PPP4R3B: variants seen among roughly 807,000 people sequenced by gnomAD.
PPP4R3B encodes the protein serine/threonine-protein phosphatase 4 regulatory subunit 3B.
PPP4R3B carries 52 observed loss-of-function variants against 95.4 expected under a neutral mutation model. That is an observed-to-expected ratio of 0.54 (90% CI 0.44 to 0.69). PPP4R3B has a LOEUF of 0.69. PPP4R3B is among the 30% of genes least tolerant of loss of function. The pLI, the probability that PPP4R3B is intolerant of heterozygous loss-of-function variation, is 0.00. For synonymous variants in PPP4R3B, 407 were observed against 343.9 expected (o/e 1.18, Z -2.03); for missense variants, 1,003 against 1,005.9 (o/e 1.00, Z 0.04).
rs186110491 is a variant in PPP4R3B at position 55,567,606 on chromosome 2, G to A, written c.1935+588C>T. Among the ~76,000 whole-genome samples, 109 of 152,174 alleles carry A rather than the reference G, an allele frequency of 7.2e-4. 1 individual carries two copies. The highest frequency in any genetic ancestry group is 1.2e-3 in the Admixed American group (19 of 15,280). ...AATTTCTGTATTTTTAGTAGAGATGGGGTTTCATCATGTTGGCCAGGCTGG... is the reference window on the plus strand; with the variant it reads ...AATTTCTGTATTTTTAGTAGAGATGAGGTTTCATCATGTTGGCCAGGCTGG... On this transcript the variant is annotated intron_variant, in intron 13 of 16. Transcript: ENST00000616407.
chr2:55,555,058 A>G (rs563350460), intron 16 of PPP4R3B, among the ~76,000 whole-genome samples: 13 of 152,284 alleles, frequency 8.5e-5, no homozygotes, highest in African/African-American at 3.1e-4. Context: ...AGGCAGGCAG[A>G]TCACGAGGTC....
chr2:55,610,505 C>T (rs374407324), intron 2 of PPP4R3B, among the ~76,000 whole-genome samples: 37 of 152,320 alleles, frequency 2.4e-4, no homozygotes, highest in African/African-American at 8.4e-4. Context: ...CCTTCCACTA[C>T]CACCACCAAG....
Position 55,568,176 on chromosome 2 carries a change from T to C in PPP4R3B, c.1935+18A>G, listed in dbSNP as rs1311213959. 3 of 1,455,236 alleles carry C rather than the reference T, an allele frequency of 2.1e-6. No homozygotes were observed. Among genetic ancestry groups the C allele is most frequent in the South Asian group, 1.6e-5 (1 of 63,988 alleles). The allele number at this position is 1,455,236 out of a possible 1,614,324, so 90.1% of individuals were successfully genotyped here. On this transcript the variant is annotated intron_variant, in intron 13 of 16. Transcript: ENST00000616407. ...ACATATAATTACATATAATAACAGC[T>C]GTTTTATATAAACTTACCACTCTTA...
intron 2 of PPP4R3B, 55 bp from the exon 3 acceptor site, chr2:55,604,131 A>C: frequency 7.3e-7 from 1 of 1,370,712 alleles, no homozygotes; most frequent in Non-Finnish European, 1.0e-6. Flanking sequence ...GTATCTACAA[A>C]GTACAAATAG....
At chr2:55,601,067 C>T (rs752268623) in intron 3 of PPP4R3B, among the ~76,000 whole-genome samples, 1 of 148,900 alleles carries the variant, frequency 6.7e-6, no homozygotes, top group Admixed American at 6.8e-5. Context: ...ATCCCTTCAG[C>T]CTGGGAGGCA....
intron 4 of PPP4R3B, among the ~76,000 whole-genome samples, chr2:55,590,198 A>C (rs944208703): frequency 1.3e-5 from 2 of 150,156 alleles, no homozygotes; most frequent in African/African-American, 4.9e-5. Flanking sequence ...ATGGTGGCAC[A>C]TGCCTGTAAT....
chr2:55,617,367 G>A lies in PPP4R3B; in HGVS notation c.-82C>T, dbSNP rs1030372979. On this transcript the variant is annotated 5_prime_UTR_variant, in exon 1 of 17. Transcript: ENST00000616407. The stretch of plus-strand genomic sequence containing the variant: ...TCCTCACTCTTAGGAGACGGTAAAG[G>A]CAGTAGTGGCGGTGGCGGCGGCGGC... 62 of 1,393,308 alleles carry A rather than the reference G, an allele frequency of 4.4e-5. No individual in the cohort carries two copies. The highest frequency in any genetic ancestry group is 4.1e-5 in the Non-Finnish European group (44 of 1,064,370). 86.3% of individuals were successfully genotyped at this position (1,393,308 alleles called of 1,614,324 possible). A position where few individuals can be genotyped will look rare whatever the true frequency, so the allele number is the denominator to read the frequency against.
chr2:55,591,208 C>G (rs1690970408), intron 4 of PPP4R3B, among the ~76,000 whole-genome samples: 1 of 151,274 alleles, frequency 6.6e-6, no homozygotes, highest in Admixed American at 6.6e-5. Flanking sequence ...ACAAACGTGG[C>G]TCAGTGTAGC....
chr2:55,565,771 CATATAGG>C (rs1449382049), intron 13 of PPP4R3B: 6 of 204,368 alleles, frequency 2.9e-5, no homozygotes, highest in African/African-American at 1.2e-4. Context: ...CCACATATAT[CATATAGG>C]AGCTGGCAAA....
intron 4 of PPP4R3B, among the ~76,000 whole-genome samples, chr2:55,595,838 A>G (rs2104415385): frequency 6.6e-6 from 1 of 152,260 alleles, no homozygotes; most frequent in African/African-American, 2.4e-5. Flanking sequence ...CCAGAGGTCC[A>G]CAAACCACAC....
chr2:55,551,733 A>C (rs2103748374), intron 16 of PPP4R3B, among the ~76,000 whole-genome samples: 1 of 151,644 alleles, frequency 6.6e-6, no homozygotes, highest in South Asian at 2.1e-4. Flanking sequence ...CCTGGGCAAC[A>C]AGAGCAAGAC....
At chr2:55,556,090 A>G (rs548777144) in intron 16 of PPP4R3B, among the ~76,000 whole-genome samples, 26 of 152,360 alleles carry the variant, frequency 1.7e-4, no homozygotes, top group African/African-American at 6.3e-4. Context: ...GCTAAACCAA[A>G]GGGCAATTGG....
intron 6 of PPP4R3B, among the ~76,000 whole-genome samples, chr2:55,586,244 CAT>C (rs1690127175): frequency 6.6e-6 from 1 of 152,002 alleles, no homozygotes; most frequent in African/African-American, 2.4e-5. Flanking sequence ...AGATAAAACT[CAT>C]ATAAACAAAA....
chr2:55,553,442 A>G (rs1392255416), intron 16 of PPP4R3B, among the ~76,000 whole-genome samples: 1 of 152,212 alleles, frequency 6.6e-6, no homozygotes, highest in Non-Finnish European at 1.5e-5. Flanking sequence ...CATAAAGTCA[A>G]GTTTTTAAAG....
chr2:55,593,129 G>C (rs1282046278), intron 4 of PPP4R3B, among the ~76,000 whole-genome samples: 5 of 152,188 alleles, frequency 3.3e-5, no homozygotes, highest in African/African-American at 9.7e-5. Context: ...CTGCACTCCA[G>C]CCTGGGTGAC....
chr2:55,599,077 T>C, intron 3 of PPP4R3B, 38 bp from the exon 4 acceptor site: 1 of 1,523,518 alleles, frequency 6.6e-7, no homozygotes, highest in Non-Finnish European at 8.8e-7. Flanking sequence ...TACCTTAAAA[T>C]ACAAAATAAT....
At chr2:55,557,613 C>G (rs1457081547) in intron 16 of PPP4R3B, among the ~76,000 whole-genome samples, 1 of 152,178 alleles carries the variant, frequency 6.6e-6, no homozygotes, top group Non-Finnish European at 1.5e-5. Flanking sequence ...ATGCTATTGT[C>G]AAGAGCCTAT....
At chr2:55,604,534 T>A (rs1246154605) in intron 2 of PPP4R3B, among the ~76,000 whole-genome samples, 3 of 146,330 alleles carry the variant, frequency 2.1e-5, no homozygotes, top group Admixed American at 6.9e-5. Context: ...TTTTTTTTTA[T>A]ATATCTGGAA....
intron 15 of PPP4R3B, among the ~76,000 whole-genome samples, chr2:55,563,964 A>T (rs1421026421): frequency 2.0e-5 from 3 of 152,136 alleles, no homozygotes; most frequent in Non-Finnish European, 4.4e-5. Flanking sequence ...CAGGCAAAGT[A>T]CTCTAGAAGG....
Sources: gnomAD v4.1 joint callset for allele counts (sites outside exome capture counted in the v4.1 genomes callset) on GRCh38, gnomAD v4.1.1 for gene constraint, MANE v1.5 for transcripts, NCBI Gene and HGNC (gene_info 2026-07-23, HGNC 2026-07-21) for gene names.